Variants in IDUA observed in about 807,000 individuals in gnomAD.
The protein encoded by IDUA is iduronidase alpha-L-.
In IDUA, 65 loss-of-function variants were observed where a neutral mutation model predicts 68.9. That is an observed-to-expected ratio of 0.94 (90% CI 0.77 to 1.16). The LOEUF is 1.16. Among genes scored for constraint, IDUA ranks in the 50% most tolerant of loss-of-function variants. The pLI is 0.00. For synonymous variants in IDUA, 529 were observed against 433.6 expected (o/e 1.22, Z -2.73); for missense variants, 1,046 against 938.0 (o/e 1.12, Z -1.50).
intron 1 of IDUA, 78 bp downstream of exon 1, chr4:987,320 G>A: frequency 7.5e-7 from 1 of 1,338,208 alleles, no homozygotes; most frequent in South Asian, 1.3e-5. Context: ...CACTGTGAGA[G>A]CTTCAGAGAC....
upstream of IDUA, chr4:987,028 C>T: frequency 6.7e-7 from 1 of 1,501,420 alleles, no homozygotes; most frequent in Admixed American, 2.0e-5. Flanking sequence ...GACTCCGACC[C>T]GGAGGCGGAA....
chr4:1,001,121 G>T, intron 4 of IDUA, 132 bp downstream of exon 4: 1 of 712,650 alleles, frequency 1.4e-6, no homozygotes, highest in Admixed American at 2.2e-5. Context: ...GTGGGGGGAT[G>T]GGGGTGACAA....
intron 2 of IDUA, chr4:992,374 A>C (rs1714434401): frequency 2.8e-6 from 1 of 362,820 alleles, no homozygotes; most frequent in African/African-American, 2.1e-5. Flanking sequence ...CGGAAGTCTC[A>C]GGAAGAGGCC....
In IDUA at chr4:991,721, C is replaced by A; in HGVS notation, c.299+3772C>A. The stretch of plus-strand genomic sequence containing the variant: ...TCGTCCATCCTGTTGCGTCAGGTCC[C>A]GTGGCCGACCTGCGGCCGAGAAGAG... On this transcript the variant is annotated intron_variant, in intron 2 of 13. Transcript: ENST00000514224. 2.6e-6 allele frequency: 4 copies of A among 1,533,508 alleles called. No individual in the cohort carries two copies. The South Asian group carries it at 4.9e-5, about 19-fold the overall frequency. 95.0% of individuals were successfully genotyped at this position (1,533,508 alleles called of 1,614,324 possible). A position where few individuals can be genotyped will look rare whatever the true frequency, so the allele number is the denominator to read the frequency against.
At chr4:993,983 C>A (rs926054207) in intron 2 of IDUA, among the ~76,000 whole-genome samples, 2 of 152,266 alleles carry the variant, frequency 1.3e-5, no homozygotes, top group African/African-American at 4.8e-5. Flanking sequence ...GGACCCAGCA[C>A]CGACCCACAG....
chr4:990,282 G>A (rs1334233750), intron 2 of IDUA: 1 of 1,601,538 alleles, frequency 6.2e-7, no homozygotes, highest in Admixed American at 1.7e-5. Flanking sequence ...TGGTCACGGA[G>A]GCCCCCATGG....
chr4:1,001,179 G>T (rs575440401), intron 4 of IDUA, 190 bp downstream of exon 4: 39 of 623,874 alleles, frequency 6.3e-5, no homozygotes, highest in African/African-American at 6.1e-4. Context: ...AGGCTGGGGG[G>T]TACTCCTGGG....
intron 2 of IDUA, chr4:990,934 A>G: frequency 3.4e-6 from 2 of 585,496 alleles, no homozygotes; most frequent in Non-Finnish European, 5.8e-6. Flanking sequence ...CCCCTCCTGC[A>G]TCCACAGCCT....
At chr4:989,165 C>T in intron 2 of IDUA, 1 of 1,607,196 alleles carries the variant, frequency 6.2e-7, no homozygotes, top group African/African-American at 1.3e-5. Context: ...GGGCCCAGGT[C>T]CTCGCCCTGG....
chr4:1,003,880 C>A, intron 12 of IDUA, 132 bp from the exon 13 acceptor site: 1 of 883,564 alleles, frequency 1.1e-6, no homozygotes, highest in Non-Finnish European at 1.9e-6. Flanking sequence ...AGGAAGAGTG[C>A]CCAGGGGCTG....
Position 1,002,411 on chromosome 4 carries a change from A to G in IDUA, c.1115A>G (p.Asn372Ser), listed in dbSNP as rs1553917304. Reference protein sequence around the residue: ...QRTLTARFQVNNTRPPHVQLL... With the variant: ...QRTLTARFQVSNTRPPHVQLL... ...ACGCTCACCGCGCGCTTCCAGGTCAACAACACCCGCCCGCCGCACGTGCAG... is the reference window on the plus strand; with the variant it reads ...ACGCTCACCGCGCGCTTCCAGGTCAGCAACACCCGCCCGCCGCACGTGCAG... Residue 372 changes from asparagine to serine, a missense_variant, in exon 8 of 14, where the codon AAC becomes AGC. Transcript: ENST00000514224. 6.3e-7 allele frequency: 1 copy of G among 1,584,174 alleles called. No individual in the cohort carries two copies. The highest frequency in any genetic ancestry group is 8.6e-7 in the Non-Finnish European group (1 of 1,166,686).
Position 987,128 on chromosome 4 carries a change from C to T in IDUA, c.44C>T (p.Ala15Val), listed in dbSNP as rs886059749. 1.4e-6 allele frequency: 2 copies of T among 1,439,340 alleles called. No individual in the cohort carries two copies. The highest frequency in any genetic ancestry group is 9.1e-7 in the Non-Finnish European group (1 of 1,101,020). The allele number at this position is 1,439,340 out of a possible 1,614,324, so 89.2% of individuals were successfully genotyped here. Reference protein sequence around the residue: ...RPRAALLALLASLLAAPPVAP... With the variant: ...RPRAALLALLVSLLAAPPVAP... The stretch of plus-strand genomic sequence containing the variant: ...CGCGCCGCGCTGCTGGCGCTCCTGG[C>T]CTCGCTCCTGGCCGCGCCCCCGGTG... Residue 15 changes from alanine (A) to valine (V), a missense_variant, in exon 1 of 14, where the codon GCC (alanine) becomes GTC (valine). By Grantham distance (64) the Ala-to-Val change is moderately conservative (BLOSUM62 0). Coordinates refer to ENST00000514224, the MANE Select transcript of IDUA (RefSeq NM_000203.5).
intron 2 of IDUA, chr4:988,537 G>C: frequency 8.1e-7 from 1 of 1,232,384 alleles, no homozygotes; most frequent in Non-Finnish European, 1.0e-6. Context: ...TCAACCCTGA[G>C]CGTCAGGTCA....
intron 2 of IDUA, chr4:988,740 G>T: frequency 7.0e-7 from 1 of 1,432,332 alleles, no homozygotes. Context: ...CTCTTGGGTG[G>T]CTCCTCCCTG....
chr4:1,003,003 G>A (rs759634696), intron 9 of IDUA, 33 bp from the exon 10 acceptor site: 3 of 1,434,912 alleles, frequency 2.1e-6, no homozygotes, highest in African/African-American at 1.5e-5. Flanking sequence ...GGGGCGGCCC[G>A]GGGAGCCGAG....
Position 987,880 on chromosome 4 carries a change from T to A in IDUA, c.230T>A (p.Val77Glu). Residue 77 changes from valine (V) to glutamate (E), a missense_variant, in exon 2 of 14, where the codon GTG becomes GAG. By Grantham distance (121) the Val-to-Glu change is moderately radical. Transcript: ENST00000514224. ...GACCAGCAGCTCAACCTCGCCTATGTGGGCGCCGTCCCTCACCGCGGCATC... is the reference window on the plus strand; with the variant it reads ...GACCAGCAGCTCAACCTCGCCTATGAGGGCGCCGTCCCTCACCGCGGCATC... ...SWDQQLNLAY[V>E]GAVPHRGIKQ... 1 of 1,611,866 alleles carries A rather than the reference T, an allele frequency of 6.2e-7. No homozygotes were observed. The highest frequency in any genetic ancestry group is 8.5e-7 in the Non-Finnish European group (1 of 1,179,646).
intron 2 of IDUA, among the ~76,000 whole-genome samples, chr4:997,648 G>A (rs942023668): frequency 2.6e-5 from 4 of 152,142 alleles, no homozygotes; most frequent in African/African-American, 9.7e-5. Context: ...GCGGTGGCTC[G>A]TCTGCGTCTC....
chr4:996,914 G>T (rs1164630689), intron 2 of IDUA, among the ~76,000 whole-genome samples: 1 of 152,186 alleles, frequency 6.6e-6, no homozygotes, highest in South Asian at 2.1e-4. Flanking sequence ...GCCCACGCAG[G>T]ACAGGGGGCG....
chr4:1,003,105 G>C lies in IDUA; in HGVS notation c.1472G>C (p.Gly491Ala). The C allele has an allele frequency of 6.6e-7, 1 of 1,515,430 alleles. No homozygotes were observed. Among genetic ancestry groups the C allele is most frequent in the Non-Finnish European group, 8.8e-7 (1 of 1,140,036 alleles). 93.9% of individuals were successfully genotyped at this position (1,515,430 alleles called of 1,614,324 possible). Reference protein sequence around the residue: ...CSPDGEWRRLGRPVFPTAEQF... With the variant: ...CSPDGEWRRLARPVFPTAEQF... Reference sequence around the variant, plus strand: ...CCCGACGGCGAGTGGCGGCGCCTGGGCCGGCCCGTCTTCCCCACGGCAGAG... The same window carrying C: ...CCCGACGGCGAGTGGCGGCGCCTGGCCCGGCCCGTCTTCCCCACGGCAGAG... Residue 491 changes from glycine to alanine, a missense_variant, in exon 10 of 14, where the codon GGC becomes GCC. Transcript: ENST00000514224.
Sources: allele counts gnomAD v4.1 joint callset (sites outside exome capture counted in the v4.1 genomes callset), GRCh38; gene constraint gnomAD v4.1.1; transcripts MANE v1.5; gene names NCBI Gene and HGNC (gene_info 2026-07-23, HGNC 2026-07-21).